The following ATRNL1 variants were observed in gnomAD, a reference collection of about 807,000 sequenced individuals.
The protein encoded by ATRNL1 is attractin like 1.
ATRNL1 carries 95 observed loss-of-function variants against 182.7 expected under a neutral mutation model. The observed-to-expected ratio is 0.52, with a 90% CI of 0.44 to 0.62. The LOEUF (loss-of-function observed/expected upper bound fraction) is 0.62, where lower values mean the gene tolerates loss of function less well. Among genes scored for constraint, ATRNL1 ranks in the 20% least tolerant of loss-of-function variants. The pLI is 0.00. For missense variants in ATRNL1, 1,471 were observed against 1,679.5 expected (o/e 0.88, Z 2.17); for synonymous variants, 576 against 568.3 (o/e 1.01, Z -0.19).
rs192521019 is a variant in ATRNL1, at chr10:115,729,355, C to T, written c.3903+2000C>T. 6.4e-3 allele frequency among the ~76,000 whole-genome samples: 902 copies of T among 140,986 alleles called. 4 individuals carry two copies. The highest frequency in any genetic ancestry group is 7.5e-3 in the Non-Finnish European group (476 of 63,840). The allele number at this position is 140,986 out of a possible 152,430, so 92.5% of individuals were successfully genotyped here. On this transcript the variant is annotated intron_variant, in intron 27 of 28. Transcript: ENST00000355044. Reference sequence around the variant, plus strand: ...ATATTCCTTATTTCATTTGCAATTTCGCTATATCCTTTTGTTTTACAACTA... The same window carrying T: ...ATATTCCTTATTTCATTTGCAATTTTGCTATATCCTTTTGTTTTACAACTA...
At chr10:115,412,063 A>G (rs1165451619) in intron 20 of ATRNL1, among the ~76,000 whole-genome samples, 2 of 152,124 alleles carry the variant, frequency 1.3e-5, no homozygotes, top group African/African-American at 2.4e-5. Context: ...TACTCCTATT[A>G]TTTTGTTACA....
intron 6 of ATRNL1, among the ~76,000 whole-genome samples, chr10:115,164,793 G>A (rs376633410): frequency 1.3e-5 from 2 of 152,116 alleles, no homozygotes; most frequent in Non-Finnish European, 1.5e-5. Context: ...TAGGTGGAGA[G>A]TAGAATGGTG....
chr10:115,230,316 A>G (rs1432571100), intron 9 of ATRNL1, among the ~76,000 whole-genome samples: 1 of 152,160 alleles, frequency 6.6e-6, no homozygotes, highest in Non-Finnish European at 1.5e-5. Context: ...GCATTTAAAA[A>G]GAGTGGCCAG....
chr10:115,669,499 A>G (rs546995693), intron 26 of ATRNL1, among the ~76,000 whole-genome samples: 11 of 152,244 alleles, frequency 7.2e-5, no homozygotes. Flanking sequence ...TGCAACTGAC[A>G]TTCTATGTTC....
At chr10:115,458,094 A>G (rs567214055) in intron 21 of ATRNL1, among the ~76,000 whole-genome samples, 75 of 152,286 alleles carry the variant, frequency 4.9e-4, no homozygotes, top group African/African-American at 1.8e-3. Flanking sequence ...TTTTCAAGTT[A>G]TGTACATTTA....
intron 8 of ATRNL1, among the ~76,000 whole-genome samples, chr10:115,187,085 G>A (rs1429163143): frequency 6.6e-6 from 1 of 151,916 alleles, no homozygotes; most frequent in Non-Finnish European, 1.5e-5. Context: ...CCTCACACCT[G>A]TTAGAATGGC....
intron 26 of ATRNL1, among the ~76,000 whole-genome samples, chr10:115,667,695 C>G (rs1317628582): frequency 2.6e-5 from 4 of 151,718 alleles, no homozygotes; most frequent in African/African-American, 9.7e-5. Context: ...TGCTCTGTCA[C>G]CCAGGCTGGA....
intron 21 of ATRNL1, among the ~76,000 whole-genome samples, chr10:115,452,123 A>G (rs1847311556): frequency 6.6e-6 from 1 of 152,160 alleles, no homozygotes; most frequent in Admixed American, 6.6e-5. Flanking sequence ...GGAGAATGGG[A>G]AGCGGGAGAG....
At chr10:115,256,106 G>GTCATCAGGGATA (rs1851119662) in intron 10 of ATRNL1, among the ~76,000 whole-genome samples, 1 of 152,000 alleles carries the variant, frequency 6.6e-6, no homozygotes, top group African/African-American at 2.4e-5. Context: ...CTCTTTTTTT[G>GTCATCAGGGATA]TTGTGTCTCT....
intron 24 of ATRNL1, among the ~76,000 whole-genome samples, chr10:115,512,729 T>C (rs1850450945): frequency 6.6e-6 from 1 of 151,846 alleles, no homozygotes; most frequent in South Asian, 2.1e-4. Flanking sequence ...TAAAATAAAA[T>C]AATTTTAGAT....
chr10:115,727,589 C>T (rs1255413694), intron 27 of ATRNL1, among the ~76,000 whole-genome samples: 1 of 152,166 alleles, frequency 6.6e-6, no homozygotes, highest in Non-Finnish European at 1.5e-5. Context: ...GACTGCTCAC[C>T]TGGCAGCCTT....
chr10:115,242,911 A>G (rs1850481963), intron 10 of ATRNL1, among the ~76,000 whole-genome samples: 2 of 152,084 alleles, frequency 1.3e-5, no homozygotes, highest in African/African-American at 2.4e-5. Context: ...CTCATGAATC[A>G]TTGTTTGAAA....
intron 21 of ATRNL1, among the ~76,000 whole-genome samples, chr10:115,450,895 C>T (rs965013297): frequency 1.3e-5 from 2 of 152,092 alleles, no homozygotes; most frequent in African/African-American, 4.8e-5. Flanking sequence ...GCTACAGTAA[C>T]CAAAACAGCA....
chr10:115,609,122 C>T (rs943012325), intron 26 of ATRNL1, among the ~76,000 whole-genome samples: 13 of 152,130 alleles, frequency 8.5e-5, no homozygotes, highest in Admixed American at 4.6e-4. Flanking sequence ...CACTAATTCA[C>T]GTGAGTTATG....
chr10:115,270,728 C>T (rs1851824753), intron 13 of ATRNL1, among the ~76,000 whole-genome samples: 1 of 151,962 alleles, frequency 6.6e-6, no homozygotes, highest in Non-Finnish European at 1.5e-5. Context: ...ATAGGGAGAG[C>T]ATTTTACTTT....
chr10:115,160,609 A>G (rs1468676580), intron 6 of ATRNL1, among the ~76,000 whole-genome samples: 1 of 151,824 alleles, frequency 6.6e-6, no homozygotes, highest in Non-Finnish European at 1.5e-5. Context: ...CCTGAACTTT[A>G]CTTTGTATGT....
At chr10:115,628,923 A>G (rs969660270) in intron 26 of ATRNL1, among the ~76,000 whole-genome samples, 3 of 152,170 alleles carry the variant, frequency 2.0e-5, no homozygotes, top group Non-Finnish European at 4.4e-5. Context: ...TTCCTAATTG[A>G]ATAGTCTTGG....
At chr10:115,757,427 T>G (rs1257497060) in intron 27 of ATRNL1, among the ~76,000 whole-genome samples, 1 of 152,162 alleles carries the variant, frequency 6.6e-6, no homozygotes, top group Non-Finnish European at 1.5e-5. Context: ...AAGCTTAGTT[T>G]CGCTGGATAT....
In ATRNL1 at chr10:115,367,809, G is replaced by T. The variant is rs9420171; in HGVS notation, c.3176-26850G>T. On this transcript the variant is annotated intron_variant, in intron 19 of 28. Transcript: ENST00000355044. ...GGTGTCAAGTGTGCCCCTGCTGGGG[G>T]GTGCCTCCCAGTTAGGCTGCTCGGG... 7.7e-3 allele frequency among the ~76,000 whole-genome samples: 1,109 copies of T among 144,066 alleles called. 20 individuals are homozygous for T. The highest frequency in any genetic ancestry group is 0.027 in the African/African-American group (1,064 of 39,262). 94.5% of individuals were successfully genotyped at this position (144,066 alleles called of 152,430 possible). A position where few individuals can be genotyped will look rare whatever the true frequency, so the allele number is the denominator to read the frequency against.
Sources: gnomAD v4.1 joint callset for allele counts (sites outside exome capture counted in the v4.1 genomes callset) on GRCh38, gnomAD v4.1.1 for gene constraint, MANE v1.5 for transcripts, NCBI Gene and HGNC (gene_info 2026-07-23, HGNC 2026-07-21) for gene names.